OXNAD1: variants seen among roughly 807,000 people sequenced by gnomAD.
OXNAD1 encodes oxidoreductase NAD-binding domain-containing protein 1.
In OXNAD1, 34 loss-of-function variants were observed where a neutral mutation model predicts 32.9. The observed-to-expected ratio is 1.03, with a 90% CI of 0.79 to 1.38. The LOEUF (loss-of-function observed/expected upper bound fraction) is 1.38, where lower values mean the gene tolerates loss of function less well. Ranked by LOEUF, OXNAD1 falls within the 40% of genes most tolerant of loss-of-function variation. The pLI is 0.00. For synonymous variants in OXNAD1, 134 were observed against 135.2 expected, an observed-to-expected ratio of 0.99 and a Z score of 0.06; for missense variants, 407 against 379.4, an observed-to-expected ratio of 1.07 and a Z score of -0.60.
rs1427951669 is a variant in OXNAD1, at chr3:16,290,747, C to G, written c.291-4109C>G. The stretch of plus-strand genomic sequence containing the variant: ...GCCAAAGACCTTTTCTGGAGCACTT[C>G]CAATCCAGAACTGGTTTTTAAACAC... On this transcript the variant is annotated intron_variant, in intron 5 of 8. Coordinates refer to ENST00000285083, the MANE Select transcript of OXNAD1 (RefSeq NM_138381.5). The surrounding 1 kb of genome is among the most constrained non-coding windows in gnomAD (Gnocchi z 4.2). 6.6e-6 allele frequency among the ~76,000 whole-genome samples: 1 copy of G among 152,178 alleles called. No homozygotes were observed. The highest frequency in any genetic ancestry group is 1.5e-5 in the Non-Finnish European group (1 of 68,014).
chr3:16,267,033 G>A (rs1200353669), intron 1 of OXNAD1, among the ~76,000 whole-genome samples: 1 of 152,206 alleles, frequency 6.6e-6, no homozygotes, highest in East Asian at 1.9e-4. Flanking sequence ...TGACACCTAA[G>A]ATTCTAAATT....
intron 6 of OXNAD1, among the ~76,000 whole-genome samples, chr3:16,296,947 A>G (rs577505964): frequency 6.6e-6 from 1 of 152,170 alleles, no homozygotes; most frequent in Non-Finnish European, 1.5e-5. Flanking sequence ...AAATTCTTAA[A>G]CACAATACCA....
chr3:16,274,167 TA>T (rs34969392), intron 4 of OXNAD1, among the ~76,000 whole-genome samples: 68,963 of 122,162 alleles, frequency 0.56, 16,737 homozygotes, highest in African/African-American at 0.62. Flanking sequence ...GTACTATCAC[TA>T]AAAAAAAAAA....
chr3:16,323,598 C>T (rs979204272), intron 9 of OXNAD1: 10 of 585,880 alleles, frequency 1.7e-5, no homozygotes, highest in Middle Eastern at 4.4e-4. Context: ...CTGCTCTACT[C>T]TTCCGCTCCC....
At chr3:16,275,206 T>C (rs1292322712) in intron 4 of OXNAD1, 1 of 162,358 alleles carries the variant, frequency 6.2e-6, no homozygotes, top group Non-Finnish European at 1.4e-5. Flanking sequence ...CAGGAAGAGT[T>C]ATCTTAGAAT....
At chr3:16,323,562 G>A (rs1478501196) in intron 9 of OXNAD1, 1 of 772,756 alleles carries the variant, frequency 1.3e-6, no homozygotes, top group Admixed American at 2.2e-5. Context: ...ACCACCCACA[G>A]GATTATGACA....
rs114043122 is a variant in OXNAD1, at chr3:16,278,658, T to A, written c.183+6936T>A. 8.6e-3 allele frequency among the ~76,000 whole-genome samples: 1,313 copies of A among 152,362 alleles called. 11 individuals carry two copies. Among genetic ancestry groups the A allele is most frequent in the Middle Eastern group, 0.034 (10 of 294 alleles). On this transcript the variant is annotated intron_variant, in intron 4 of 8. Transcript: ENST00000285083. ...TCAGTCCTTGAACTCAGATCTTTGA[T>A]AATAAAATCAGCTTTCCTTTATGTT...
rs1002730980 is a variant in OXNAD1, at chr3:16,301,047, T to G, written c.433-579T>G. ...ATGTGATACTCCCTAGTATGAAGCC[T>G]CTGGCTGCCTGTTCTTGTTTCTCTA... On this transcript the variant is annotated intron_variant, in intron 6 of 8. Coordinates refer to ENST00000285083, the MANE Select transcript of OXNAD1 (RefSeq NM_138381.5). This position sits in a 1 kb window ranked among gnomAD's most constrained non-coding sequence, Gnocchi z 4.1. 6.6e-6 allele frequency among the ~76,000 whole-genome samples: 1 copy of G among 152,208 alleles called. No individual in the cohort carries two copies. The highest frequency in any genetic ancestry group is 2.4e-5 in the African/African-American group (1 of 41,450).
chr3:16,308,609 G>A (rs1463475864), downstream of OXNAD1, among the ~76,000 whole-genome samples: 1 of 152,140 alleles, frequency 6.6e-6, no homozygotes, highest in African/African-American at 2.4e-5. This position sits in a 1 kb window ranked among gnomAD's most constrained non-coding sequence, Gnocchi z 4.4. Context: ...TGAGATGTCT[G>A]GTCTTTAATA....
chr3:16,294,716 G>A (rs1015637772), intron 5 of OXNAD1, 140 bp from the exon 6 acceptor site: 2 of 803,084 alleles, frequency 2.5e-6, no homozygotes, highest in East Asian at 5.7e-5. Flanking sequence ...ATTTCTATAA[G>A]CTTTGTGATG....
rs958598052 is a variant in OXNAD1, at chr3:16,286,375, A to G, written c.217A>G (p.Ser73Gly). Residue 73 changes from serine (S) to glycine (G), a missense_variant, in exon 5 of 9, where the codon AGT becomes GGT. Physicochemically the swap from Ser to Gly is moderately conservative, Grantham distance 56. Transcript: ENST00000285083. ...VSAAKVCGAA[S>G]ESPSVKSLRL... ...AGCAGCTAAGGTGTGTGGAGCTGCC[A>G]GTGAGTCACCGTCAGTGAAGAGCCT... 3 of 1,613,792 alleles carry G rather than the reference A, an allele frequency of 1.9e-6. No homozygotes were observed. Among genetic ancestry groups the G allele is most frequent in the South Asian group, 1.1e-5 (1 of 91,092 alleles).
chr3:16,328,539 G>A (rs141004435), intron 9 of OXNAD1, among the ~76,000 whole-genome samples: 15 of 152,286 alleles, frequency 9.8e-5, no homozygotes, highest in East Asian at 3.9e-4. Context: ...AACCCTTGGC[G>A]ACTAATTTAT....
Position 16,320,438 on chromosome 3 carries a change from C to T in OXNAD1, c.*31-16674C>T, listed in dbSNP as rs895441966. ...TGTCCTCGCTAAGAAGCTGATTACTCATTCATTGATTCGACAAGTATCTGT... is the reference window on the plus strand; with the variant it reads ...TGTCCTCGCTAAGAAGCTGATTACTTATTCATTGATTCGACAAGTATCTGT... On this transcript the variant is annotated intron_variant, in intron 9 of 9. Coordinates refer to the OXNAD1 transcript ENST00000435829. The surrounding 1 kb of genome is among the most constrained non-coding windows in gnomAD (Gnocchi z 4.5). 2.6e-5 allele frequency among the ~76,000 whole-genome samples: 4 copies of T among 152,212 alleles called. No individual in the cohort carries two copies. The highest frequency in any genetic ancestry group is 5.9e-5 in the Non-Finnish European group (4 of 68,038).
At chr3:16,347,540 A>C (rs953841121) in intron 9 of OXNAD1, 5 of 151,852 alleles carry the variant, frequency 3.3e-5, no homozygotes, top group African/African-American at 1.2e-4. Context: ...AGCATTTTCA[A>C]CTCTCTACTC....
At position 16,290,107 on chromosome 3, in the gene OXNAD1, G is replaced by T. The variant is rs1266621587; in HGVS notation, c.290+3659G>T. Among the ~76,000 whole-genome samples the T allele has an allele frequency of 6.6e-6, 1 of 152,150 alleles. No homozygotes were observed. The highest frequency in any genetic ancestry group is 6.5e-5 in the Admixed American group (1 of 15,276). On this transcript the variant is annotated intron_variant, in intron 5 of 8. Transcript: ENST00000285083. This position sits in a 1 kb window ranked among gnomAD's most constrained non-coding sequence, Gnocchi z 4.2. ...TGCTTGGCACTGGGGCTCCCTTTGT[G>T]GACAGGACCTGGCTGCCTGGTGTGT...
At chr3:16,269,090 C>T in intron 1 of OXNAD1, 36 bp from the exon 2 acceptor site, 1 of 1,416,634 alleles carries the variant, frequency 7.1e-7, no homozygotes, top group Non-Finnish European at 9.2e-7. Context: ...GATCAGTTCC[C>T]CAAAACATTG....
chr3:16,335,741 A>G lies in OXNAD1; in HGVS notation c.*31-1371A>G, dbSNP rs1017079349. Among the ~76,000 whole-genome samples, 1 of 151,928 alleles carries G rather than the reference A, an allele frequency of 6.6e-6. No homozygotes were observed. Among genetic ancestry groups the G allele is most frequent in the African/African-American group, 2.4e-5 (1 of 41,324 alleles). ...CATGGCACACGTTTACCTATGTAAC[A>G]AGCCTGCATATCCTGCACTTGCACC... On this transcript the variant is annotated intron_variant, in intron 9 of 9. Coordinates refer to the OXNAD1 transcript ENST00000435829. The surrounding 1 kb of genome is among the most constrained non-coding windows in gnomAD (Gnocchi z 4.7).
intron 9 of OXNAD1, chr3:16,347,774 T>C (rs2071832230): frequency 6.6e-6 from 1 of 152,236 alleles, no homozygotes; most frequent in Non-Finnish European, 1.5e-5. Flanking sequence ...AAAATTATTA[T>C]AAAGCCTCCA....
Position 16,316,478 on chromosome 3 carries a change from C to A in OXNAD1, c.*30+12886C>A. The stretch of plus-strand genomic sequence containing the variant: ...GCCCAGGGTGTCCATGGATTTGACC[C>A]GAATGCTCCCTGGAGGCCCTGTGGC... On this transcript the variant is annotated intron_variant, in intron 9 of 9. Transcript: ENST00000435829. The surrounding 1 kb of genome is among the most constrained non-coding windows in gnomAD (Gnocchi z 4.5). 3.1e-6 allele frequency: 1 copy of A among 321,990 alleles called. No homozygotes were observed. The highest frequency in any genetic ancestry group is 5.8e-6 in the Non-Finnish European group (1 of 171,724). 19.9% of individuals were successfully genotyped at this position (321,990 alleles called of 1,614,324 possible).
Sources: gnomAD v4.1 joint callset for allele counts (sites outside exome capture counted in the v4.1 genomes callset) on GRCh38, gnomAD v4.1.1 for gene constraint, Gnocchi (gnomAD v3.1) non-coding constraint, MANE v1.5 for transcripts, NCBI Gene and HGNC (gene_info 2026-07-23, HGNC 2026-07-21) for gene names.